Variants in SAMSN1 observed in about 807,000 individuals in gnomAD.
SAMSN1 encodes SAM domain, SH3 domain and nuclear localization signals 1.
In SAMSN1, 31 loss-of-function variants were observed where a neutral mutation model predicts 42.0. That is an observed-to-expected ratio of 0.74 (90% CI 0.55 to 1.00). SAMSN1 has a LOEUF of 1.00. Ranked by LOEUF, SAMSN1 falls within the 50% of genes least tolerant of loss-of-function variation. SAMSN1 has a pLI of 0.00. For missense variants in SAMSN1, 464 were observed against 439.4 expected (o/e 1.06, Z -0.50); for synonymous variants, 178 against 151.9 (o/e 1.17, Z -1.26).
intron 2 of SAMSN1, among the ~76,000 whole-genome samples, chr21:14,554,196 G>A (rs536252343): frequency 4.9e-4 from 75 of 152,068 alleles, no homozygotes; most frequent in Middle Eastern, 6.8e-3. Flanking sequence ...TTTTGGAAAG[G>A]CAGTGACATG....
At position 14,521,150 on chromosome 21, in the gene SAMSN1, C is replaced by G; in HGVS notation, c.129G>C (p.Glu43Asp). The G allele has an allele frequency of 6.3e-7, 1 of 1,593,110 alleles. No homozygotes were observed. Among genetic ancestry groups the G allele is most frequent in the Non-Finnish European group, 8.6e-7 (1 of 1,164,280 alleles). ...NSLSKPDDST[E>D]AHEGDPTNGS... ...CATAAAAATGGAATAAACTACGAAC[C>G]TCAGTTGAATCATCTGGTTTTGATA... Residue 43 changes from glutamate to aspartate, a missense_variant and splice_region_variant, in exon 2 of 8, where the codon GAG (glutamate) becomes GAC (aspartate). By Grantham distance (45) the Glu-to-Asp change is conservative. Transcript: ENST00000400566.
At chr21:14,645,688 C>A (rs986462823) in intron 1 of SAMSN1, among the ~76,000 whole-genome samples, 1 of 152,134 alleles carries the variant, frequency 6.6e-6, no homozygotes, top group Non-Finnish European at 1.5e-5. Flanking sequence ...GGGACCAATC[C>A]TGGAGAAAGA....
intron 1 of SAMSN1, among the ~76,000 whole-genome samples, chr21:14,525,439 TA>T (rs1218812820): frequency 3.3e-5 from 5 of 152,080 alleles, no homozygotes. Flanking sequence ...CAAATCAATA[TA>T]AAAAAATTTT....
chr21:14,621,808 G>A (rs926288701), intron 2 of SAMSN1, among the ~76,000 whole-genome samples: 3 of 152,228 alleles, frequency 2.0e-5, no homozygotes, highest in African/African-American at 7.2e-5. Flanking sequence ...AGAGATCTGA[G>A]AATGGACAGA....
At chr21:14,519,019 G>T (rs1011095780) in intron 2 of SAMSN1, among the ~76,000 whole-genome samples, 7 of 152,248 alleles carry the variant, frequency 4.6e-5, no homozygotes, top group Admixed American at 3.3e-4. Context: ...GTTATTTACA[G>T]AAGCTACAAA....
chr21:14,591,714 A>C (rs1982091141), intron 7 of SAMSN1, among the ~76,000 whole-genome samples: 1 of 152,210 alleles, frequency 6.6e-6, no homozygotes, highest in African/African-American at 2.4e-5. Context: ...GCTAAGCAGT[A>C]TAATTTAGGT....
intron 2 of SAMSN1, among the ~76,000 whole-genome samples, chr21:14,579,862 T>C (rs540928064): frequency 6.6e-6 from 1 of 152,294 alleles, no homozygotes; most frequent in South Asian, 2.1e-4. Flanking sequence ...ATAGGAAGTA[T>C]ACAAATACTG....
intron 1 of SAMSN1, among the ~76,000 whole-genome samples, chr21:14,536,237 C>T (rs952411559): frequency 2.0e-5 from 3 of 149,116 alleles, no homozygotes; most frequent in Admixed American, 6.7e-5. Flanking sequence ...AACAAACAAA[C>T]AAAAAAAAAC....
intron 2 of SAMSN1, among the ~76,000 whole-genome samples, chr21:14,564,689 G>A (rs576654071): frequency 8.5e-5 from 13 of 152,242 alleles, no homozygotes; most frequent in South Asian, 2.1e-4. Flanking sequence ...AAAGAAGATC[G>A]CCTCTTTATC....
chr21:14,652,682 C>T lies in SAMSN1; in HGVS notation c.24+6066G>A, dbSNP rs562526688. On this transcript the variant is annotated intron_variant, in intron 1 of 15. Coordinates refer to the SAMSN1 transcript ENST00000647101. ...TATAGGCAACCAAAGCAAAACTGAACAAATCGTCTCGTATGTTGAAAAGCT... is the reference window on the plus strand; with the variant it reads ...TATAGGCAACCAAAGCAAAACTGAATAAATCGTCTCGTATGTTGAAAAGCT... 2.6e-5 allele frequency among the ~76,000 whole-genome samples: 4 copies of T among 151,998 alleles called. No homozygotes were observed. The South Asian group carries it at 8.3e-4, about 31-fold the overall frequency.
chr21:14,545,268 G>T (rs888707022), intron 1 of SAMSN1, among the ~76,000 whole-genome samples: 4 of 151,908 alleles, frequency 2.6e-5, no homozygotes, highest in African/African-American at 7.3e-5. Context: ...AATTCAAAAG[G>T]TCATAACAAA....
At chr21:14,620,283 T>C in intron 2 of SAMSN1, among the ~76,000 whole-genome samples, 1 of 152,142 alleles carries the variant, frequency 6.6e-6, no homozygotes, top group East Asian at 1.9e-4. Flanking sequence ...AATTGGGTCA[T>C]GGGGGTGGTT....
At position 14,524,676 on chromosome 21, in the gene SAMSN1, T is replaced by C. The variant is rs138192902; in HGVS notation, c.58-3455A>G. On this transcript the variant is annotated intron_variant, in intron 1 of 7. Coordinates refer to ENST00000400566, the MANE Select transcript of SAMSN1 (RefSeq NM_022136.5). ...ATTTCCATATTCACTGTAGCACTTT[T>C]ATATTATCAAAAAGCTGTAAAGCCT... Among the ~76,000 whole-genome samples, 277 of 152,308 alleles carry C rather than the reference T, an allele frequency of 1.8e-3. 3 individuals carry two copies. In the East Asian group the frequency reaches 0.049, roughly 27 times the overall value.
intron 6 of SAMSN1, among the ~76,000 whole-genome samples, chr21:14,600,913 G>A (rs1982412122): frequency 6.6e-6 from 1 of 152,152 alleles, no homozygotes; most frequent in Non-Finnish European, 1.5e-5. Flanking sequence ...AAGAAAAGAG[G>A]AGGAGCAATG....
chr21:14,520,695 C>T (rs1490080067), intron 2 of SAMSN1, among the ~76,000 whole-genome samples: 1 of 152,096 alleles, frequency 6.6e-6, no homozygotes, highest in African/African-American at 2.4e-5. Context: ...CCACCCTTTC[C>T]CAACTGATTC....
At chr21:14,506,118 G>A (rs6516836) in intron 5 of SAMSN1, among the ~76,000 whole-genome samples, 44,805 of 151,786 alleles carry the variant, frequency 0.3, 9,609 homozygotes, top group African/African-American at 0.61. Flanking sequence ...TACATCAAAA[G>A]GTCTGAAAGA....
chr21:14,555,069 T>C (rs1436310890), intron 2 of SAMSN1, among the ~76,000 whole-genome samples: 2 of 152,182 alleles, frequency 1.3e-5, no homozygotes, highest in African/African-American at 4.8e-5. Flanking sequence ...TATTCAGGTC[T>C]GCAGATACTA....
At chr21:14,536,502 A>G (rs1979630997) in intron 1 of SAMSN1, among the ~76,000 whole-genome samples, 1 of 152,222 alleles carries the variant, frequency 6.6e-6, no homozygotes, top group African/African-American at 2.4e-5. Context: ...TAGCTAATAC[A>G]TTTGGCCCCA....
intron 2 of SAMSN1, among the ~76,000 whole-genome samples, chr21:14,572,481 A>C (rs1441897842): frequency 1.3e-5 from 2 of 152,138 alleles, no homozygotes; most frequent in Admixed American, 6.6e-5. Flanking sequence ...TTTAAAGACA[A>C]CTTAGTGATG....
Sources: gnomAD v4.1 joint callset for allele counts (sites outside exome capture counted in the v4.1 genomes callset) on GRCh38, gnomAD v4.1.1 for gene constraint, MANE v1.5 for transcripts, NCBI Gene and HGNC (gene_info 2026-07-23, HGNC 2026-07-21) for gene names.